Variants in ZMAT4 observed in about 807,000 individuals in gnomAD.
The protein encoded by ZMAT4 is zinc finger matrin-type protein 4.
A neutral mutation model predicts 28.7 loss-of-function variants in ZMAT4; 17 were observed. The ratio of observed to expected loss-of-function variants is 0.59; its 90% confidence interval spans 0.41 to 0.89. The LOEUF is 0.89. ZMAT4 is among the 40% of genes least tolerant of loss of function. The pLI is 0.00. For missense variants in ZMAT4, 240 were observed against 283.8 expected, an observed-to-expected ratio of 0.85 and a Z score of 1.11; for synonymous variants, 117 against 109.2, an observed-to-expected ratio of 1.07 and a Z score of -0.44.
chr8:40,854,947 G>T (rs909696125), intron 1 of ZMAT4, among the ~76,000 whole-genome samples: 1 of 151,688 alleles, frequency 6.6e-6, no homozygotes, highest in Non-Finnish European at 1.5e-5. Flanking sequence ...ACACACACAC[G>T]CAGAAAAACA....
At position 40,825,577 on chromosome 8, in the gene ZMAT4, C is replaced by A; in HGVS notation, c.100G>T (p.Glu34Ter). ...AGAGTGGGAAACGCTGTCCTTACCT[C>A]GTAGTGGGCCACACGCTGCGATTCG... ...ISESQRVAHY[E>*]SRKHASKVRL... The change falls in exon 2 of 7, where the codon GAG becomes TAG. Residue 34 changes from glutamate (E) to a stop codon, truncating the protein, a stop_gained and splice_region_variant. Coordinates refer to ENST00000297737, the MANE Select transcript of ZMAT4 (RefSeq NM_024645.3). LOFTEE classifies it high-confidence loss of function. The A allele has an allele frequency of 6.4e-7, 1 of 1,551,980 alleles. No individual in the cohort carries two copies. Among genetic ancestry groups the A allele is most frequent in the Non-Finnish European group, 8.7e-7 (1 of 1,147,116 alleles).
At chr8:40,614,091 G>C (rs1368495705) in intron 5 of ZMAT4, among the ~76,000 whole-genome samples, 1 of 152,178 alleles carries the variant, frequency 6.6e-6, no homozygotes, top group East Asian at 1.9e-4. Flanking sequence ...AGCCAGCACA[G>C]TCATGGGTCA....
chr8:40,839,742 A>C (rs1816632687), intron 1 of ZMAT4, among the ~76,000 whole-genome samples: 2 of 152,356 alleles, frequency 1.3e-5, no homozygotes, highest in Admixed American at 6.5e-5. Flanking sequence ...CTCACTCATA[A>C]GTAGGTGCTA....
At position 40,532,006 on chromosome 8, in the gene ZMAT4, T is replaced by C; in HGVS notation, c.*217A>G. The C allele has an allele frequency of 5.1e-6, 2 of 391,246 alleles. No individual in the cohort carries two copies. Among genetic ancestry groups the C allele is most frequent in the Non-Finnish European group, 9.0e-6 (2 of 222,124 alleles). The allele number at this position is 391,246 out of a possible 1,614,324, so 24.2% of individuals were successfully genotyped here. A position where few individuals can be genotyped will look rare whatever the true frequency, so the allele number is the denominator to read the frequency against. ...TATCAGGAAAGAATTTAAAAATCCA[T>C]CCAAATATCATAACTTACCCCAAAA... is the stretch of plus-strand genomic sequence containing the variant. On this transcript the variant is annotated 3_prime_UTR_variant, in exon 7 of 7. Coordinates refer to ENST00000297737, the MANE Select transcript of ZMAT4 (RefSeq NM_024645.3).
intron 1 of ZMAT4, among the ~76,000 whole-genome samples, chr8:40,888,741 C>A (rs16890065): frequency 2.0e-5 from 3 of 152,170 alleles, no homozygotes; most frequent in Non-Finnish European, 4.4e-5. Context: ...TTAACAAATG[C>A]GACACTCCAT....
In ZMAT4 at chr8:40,671,249, A is replaced by G. The variant is rs1353279294; in HGVS notation, c.577+3455T>C. 9.2e-5 allele frequency among the ~76,000 whole-genome samples: 14 copies of G among 152,264 alleles called. No homozygotes were observed. In the East Asian group the frequency reaches 2.7e-3, roughly 29 times the overall value. On this transcript the variant is annotated intron_variant, in intron 5 of 6. Transcript: ENST00000297737. Reference sequence around the variant, plus strand: ...TTTTGAAGTGCAAAGTAACGCAACTATTTTAGATTTTGGCAGTTTCTTCTA... The same window carrying G: ...TTTTGAAGTGCAAAGTAACGCAACTGTTTTAGATTTTGGCAGTTTCTTCTA...
At chr8:40,815,513 A>C (rs1234198540) in intron 2 of ZMAT4, among the ~76,000 whole-genome samples, 1 of 152,194 alleles carries the variant, frequency 6.6e-6, no homozygotes, top group Non-Finnish European at 1.5e-5. Context: ...CATCTAAATA[A>C]GACTCTGGGA....
At position 40,881,436 on chromosome 8, in the gene ZMAT4, A is replaced by AG. The variant is rs1563263251; in HGVS notation, c.-5+16246_-5+16247insC. Among the ~76,000 whole-genome samples, 44 of 48,626 alleles carry AG rather than the reference A, an allele frequency of 9.0e-4. 1 individual carries two copies. The highest frequency in any genetic ancestry group is 3.4e-3 in the African/African-American group (42 of 12,312). The allele number at this position is 48,626 out of a possible 152,430, so 31.9% of individuals were successfully genotyped here. The stretch of plus-strand genomic sequence containing the variant: ...AAAGGAAGAAAAAGAAGAAAGAGAG[A>AG]AAGAAAGAAAGAAAGAAAGAAAGAA... On this transcript the variant is annotated intron_variant, in intron 1 of 6. Transcript: ENST00000297737.
intron 2 of ZMAT4, among the ~76,000 whole-genome samples, chr8:40,793,888 T>G (rs1814469941): frequency 6.6e-6 from 1 of 152,162 alleles, no homozygotes; most frequent in Non-Finnish European, 1.5e-5. Flanking sequence ...AAGCACATAT[T>G]TGTGTATTTT....
intron 1 of ZMAT4, among the ~76,000 whole-genome samples, chr8:40,837,088 G>GT (rs1188546842): frequency 2.0e-5 from 3 of 152,166 alleles, no homozygotes; most frequent in Non-Finnish European, 4.4e-5. Context: ...TAGAGACATT[G>GT]TTTTTTTCCT....
intron 2 of ZMAT4, among the ~76,000 whole-genome samples, chr8:40,792,909 T>C (rs1814423266): frequency 6.6e-6 from 1 of 151,958 alleles, no homozygotes; most frequent in African/African-American, 2.4e-5. Flanking sequence ...TGGAAAACTA[T>C]GGACATGGCA....
chr8:40,703,041 C>T (rs918736236), intron 3 of ZMAT4, among the ~76,000 whole-genome samples: 2 of 150,734 alleles, frequency 1.3e-5, no homozygotes, highest in Non-Finnish European at 2.9e-5. Flanking sequence ...AATAAGGTGT[C>T]TCTAAACAGA....
At chr8:40,675,968 T>C (rs764790615) in intron 4 of ZMAT4, among the ~76,000 whole-genome samples, 4 of 152,214 alleles carry the variant, frequency 2.6e-5, no homozygotes, top group Non-Finnish European at 5.9e-5. Context: ...CTTAGGATTA[T>C]TTCTGGTCCA....
intron 5 of ZMAT4, among the ~76,000 whole-genome samples, chr8:40,648,382 T>C (rs911509795): frequency 1.4e-5 from 2 of 148,132 alleles, no homozygotes; most frequent in African/African-American, 5.0e-5. Context: ...GAAAAAAGAA[T>C]AAAAAGAAAT....
At chr8:40,581,058 T>C (rs1386030365) in intron 6 of ZMAT4, 107 bp downstream of exon 6, 1 of 865,248 alleles carries the variant, frequency 1.2e-6, no homozygotes, top group Non-Finnish European at 1.8e-6. Flanking sequence ...AAAAGAGATG[T>C]AATTTCCACT....
At chr8:40,755,616 C>T (rs1812646450) in intron 3 of ZMAT4, among the ~76,000 whole-genome samples, 1 of 152,032 alleles carries the variant, frequency 6.6e-6, no homozygotes, top group South Asian at 2.1e-4. Flanking sequence ...CCATGCCCGG[C>T]TAATTTTTGT....
chr8:40,561,121 CAA>C (rs1305280638), intron 6 of ZMAT4, among the ~76,000 whole-genome samples: 1 of 152,006 alleles, frequency 6.6e-6, no homozygotes, highest in Non-Finnish European at 1.5e-5. Flanking sequence ...GTGTACTGTG[CAA>C]AGAGACTTCT....
intron 3 of ZMAT4, among the ~76,000 whole-genome samples, chr8:40,719,582 GT>G (rs1354523099): frequency 2.0e-5 from 3 of 151,806 alleles, no homozygotes; most frequent in African/African-American, 7.2e-5. Flanking sequence ...TTTGTTTTTT[GT>G]TTTTTGTTTT....
chr8:40,866,454 C>T (rs1295545581), intron 1 of ZMAT4, among the ~76,000 whole-genome samples: 7 of 152,230 alleles, frequency 4.6e-5, no homozygotes, highest in Non-Finnish European at 7.3e-5. Context: ...TTCATCCAAA[C>T]CAAGCAAAAA....
Sources: allele counts gnomAD v4.1 joint callset (sites outside exome capture counted in the v4.1 genomes callset), GRCh38; gene constraint gnomAD v4.1.1; transcripts MANE v1.5; gene names NCBI Gene and HGNC (gene_info 2026-07-23, HGNC 2026-07-21).